TUSC3: variants seen among roughly 807,000 people sequenced by gnomAD.
The protein encoded by TUSC3 is dolichyl-diphosphooligosaccharide--protein glycosyltransferase subunit TUSC3.
TUSC3 carries 45 observed loss-of-function variants against 44.8 expected under a neutral mutation model. That is an observed-to-expected ratio of 1.00 (90% CI 0.79 to 1.29). The LOEUF (loss-of-function observed/expected upper bound fraction) is 1.29, where lower values mean the gene tolerates loss of function less well. Among genes scored for constraint, TUSC3 ranks in the 50% most tolerant of loss-of-function variants. TUSC3 has a pLI of 0.00. For missense variants in TUSC3, 519 were observed against 437.9 expected, an observed-to-expected ratio of 1.19 and a Z score of -1.65; for synonymous variants, 212 against 152.9, an observed-to-expected ratio of 1.39 and a Z score of -2.85.
chr8:15,459,649 C>G (rs1485116459), intron 1 of TUSC3, among the ~76,000 whole-genome samples: 1 of 151,970 alleles, frequency 6.6e-6, no homozygotes, highest in Non-Finnish European at 1.5e-5. Flanking sequence ...TCTCCAAAAT[C>G]CATTGTATCA....
rs372923292 is a variant in TUSC3 at position 15,430,773 on chromosome 8, C to G, written n.91+13468C>G. Among the ~76,000 whole-genome samples, 198 of 151,828 alleles carry G rather than the reference C, an allele frequency of 1.3e-3. 8 individuals carry two copies. The highest frequency in any genetic ancestry group is 4.6e-3 in the African/African-American group (189 of 41,126). ...ATCTCCTTAAGCTGATAAGCAACTT[C>G]AGCAAAATCTCAGGCTACAAAACCA... is the stretch of plus-strand genomic sequence containing the variant. On this transcript the variant is annotated intron_variant and non_coding_transcript_variant, in intron 1 of 5. Transcript: ENST00000503191.
chr8:15,505,883 T>C (rs1801045271), intron 2 of TUSC3, among the ~76,000 whole-genome samples: 1 of 152,198 alleles, frequency 6.6e-6, no homozygotes, highest in Non-Finnish European at 1.5e-5. Context: ...ACAGAATCTC[T>C]GTAAAATCCT....
At chr8:15,671,755 TG>T (rs1233964256) in intron 5 of TUSC3, among the ~76,000 whole-genome samples, 7 of 152,092 alleles carry the variant, frequency 4.6e-5, no homozygotes, top group Non-Finnish European at 1.0e-4. Context: ...CTCATGTTTT[TG>T]TTCATCGCTT....
chr8:15,626,533 C>T (rs777476386), intron 2 of TUSC3, among the ~76,000 whole-genome samples: 1 of 152,218 alleles, frequency 6.6e-6, no homozygotes, highest in Non-Finnish European at 1.5e-5. Context: ...CAGGCAGCAA[C>T]CTTGCCCTCC....
At chr8:15,642,508 T>C (rs967216166) in intron 2 of TUSC3, among the ~76,000 whole-genome samples, 4 of 152,180 alleles carry the variant, frequency 2.6e-5, no homozygotes, top group Non-Finnish European at 5.9e-5. Flanking sequence ...CTCCATCTCT[T>C]GGGACACAGT....
At chr8:15,466,956 A>C (rs1800422731) in intron 1 of TUSC3, among the ~76,000 whole-genome samples, 1 of 152,062 alleles carries the variant, frequency 6.6e-6, no homozygotes, top group South Asian at 2.1e-4. Flanking sequence ...TTAGTTCCTG[A>C]GTACAGTATT....
chr8:15,502,082 A>G (rs1189255122), intron 2 of TUSC3, among the ~76,000 whole-genome samples: 1 of 152,138 alleles, frequency 6.6e-6, no homozygotes, highest in East Asian at 1.9e-4. Flanking sequence ...CCATCTATCT[A>G]TTCAATATAC....
At chr8:15,533,120 C>G (rs1259775189) in intron 2 of TUSC3, among the ~76,000 whole-genome samples, 1 of 152,150 alleles carries the variant, frequency 6.6e-6, no homozygotes, top group Non-Finnish European at 1.5e-5. Flanking sequence ...ATGGGAGTTT[C>G]CCTGTACCAG....
chr8:15,669,250 C>G (rs575108927), intron 5 of TUSC3, among the ~76,000 whole-genome samples: 1 of 151,934 alleles, frequency 6.6e-6, no homozygotes, highest in South Asian at 2.1e-4. Context: ...TGGATTGAAT[C>G]CATTGCTGAA....
chr8:15,822,086 A>G, the TUSC3 span, among the ~76,000 whole-genome samples: 1 of 152,196 alleles, frequency 6.6e-6, no homozygotes, highest in African/African-American at 2.4e-5. Context: ...GATACTGAGT[A>G]GGAAAGAAAG....
intron 2 of TUSC3, among the ~76,000 whole-genome samples, chr8:15,644,292 T>G (rs926122652): frequency 1.3e-5 from 2 of 152,198 alleles, no homozygotes; most frequent in African/African-American, 2.4e-5. Context: ...GTGACTGCCC[T>G]CTTCAGGCTG....
chr8:15,710,202 TTGTC>T (rs1397368137), intron 6 of TUSC3, among the ~76,000 whole-genome samples: 2 of 151,870 alleles, frequency 1.3e-5, no homozygotes, highest in Non-Finnish European at 2.9e-5. Context: ...CCAAGAAACT[TTGTC>T]TGTTTCTCCA....
Position 15,533,091 on chromosome 8 carries a change from C to T in TUSC3, n.189+49608C>T, listed in dbSNP as rs112186683. On this transcript the variant is annotated intron_variant and non_coding_transcript_variant, in intron 2 of 5. Coordinates refer to the TUSC3 transcript ENST00000503191. ...CAGGTATGAGCCACCACGCCCAGAC[C>T]GATTTGATAGTTTTAAAAATGGGAG... is the stretch of plus-strand genomic sequence containing the variant. Among the ~76,000 whole-genome samples the T allele has an allele frequency of 9.1e-3, 1,383 of 152,222 alleles. 19 individuals are homozygous for T. Among genetic ancestry groups the T allele is most frequent in the African/African-American group, 0.032 (1,319 of 41,556 alleles).
chr8:15,470,947 G>A (rs532101223), intron 1 of TUSC3, among the ~76,000 whole-genome samples: 1 of 151,690 alleles, frequency 6.6e-6, no homozygotes, highest in Non-Finnish European at 1.5e-5. Flanking sequence ...TGCAATAAGT[G>A]AGTGGGAAAA....
intron 9 of TUSC3, among the ~76,000 whole-genome samples, chr8:15,753,099 A>T (rs1811776023): frequency 6.6e-6 from 1 of 151,964 alleles, no homozygotes; most frequent in Admixed American, 6.6e-5. Context: ...CATAGATGTG[A>T]TTCCCTTTTT....
At chr8:15,505,904 T>G (rs1801045400) in intron 2 of TUSC3, among the ~76,000 whole-genome samples, 1 of 152,186 alleles carries the variant, frequency 6.6e-6, no homozygotes, top group Non-Finnish European at 1.5e-5. Flanking sequence ...AAGGAACATA[T>G]TCTTGCCCAA....
intron 1 of TUSC3, among the ~76,000 whole-genome samples, chr8:15,566,217 C>G (rs540907597): frequency 6.6e-6 from 1 of 152,178 alleles, no homozygotes; most frequent in South Asian, 2.1e-4. Flanking sequence ...CATGACTAGA[C>G]TAAAACATAG....
At chr8:15,624,975 TATG>T (rs1416401476) in intron 2 of TUSC3, among the ~76,000 whole-genome samples, 2 of 152,208 alleles carry the variant, frequency 1.3e-5, no homozygotes, top group East Asian at 1.9e-4. Context: ...TGTCATCAAG[TATG>T]ATATTAGCTG....
intron 1 of TUSC3, among the ~76,000 whole-genome samples, chr8:15,455,132 C>G (rs1169523177): frequency 6.6e-6 from 1 of 152,068 alleles, no homozygotes; most frequent in Non-Finnish European, 1.5e-5. Context: ...TTTGCTTATC[C>G]CTACCATTGC....
Sources: allele counts gnomAD v4.1 joint callset (sites outside exome capture counted in the v4.1 genomes callset), GRCh38; gene constraint gnomAD v4.1.1; transcripts MANE v1.5; gene names NCBI Gene and HGNC (gene_info 2026-07-23, HGNC 2026-07-21).